Variants in KRT72 observed in about 807,000 individuals in gnomAD.
The protein encoded by KRT72 is keratin 72, also known as keratin, type II cytoskeletal 72.
KRT72 carries 44 observed loss-of-function variants against 44.7 expected under a neutral mutation model. That is an observed-to-expected ratio of 0.98 (90% confidence interval 0.77 to 1.27). The LOEUF (loss-of-function observed/expected upper bound fraction) is 1.27. Ranked by LOEUF, KRT72 falls within the 50% of genes most tolerant of loss-of-function variation. The pLI is 0.00. For missense variants in KRT72, 736 were observed against 667.1 expected, an observed-to-expected ratio of 1.10 and a Z score of -1.14; for synonymous variants, 302 against 280.4, an observed-to-expected ratio of 1.08 and a Z score of -0.77.
chr12:52,589,146 G>C (rs941466114), intron 6 of KRT72, among the ~76,000 whole-genome samples: 1 of 152,154 alleles, frequency 6.6e-6, no homozygotes, highest in African/African-American at 2.4e-5. Context: ...CTCAGCTAAG[G>C]TTTTGGTGGG....
intron 2 of KRT72, 42 bp downstream of exon 2, chr12:52,598,856 A>G: frequency 6.3e-7 from 1 of 1,585,054 alleles, no homozygotes; most frequent in Non-Finnish European, 8.7e-7. Flanking sequence ...ACCTCATTTG[A>G]AATCAGATCC....
rs372658292 is a variant in KRT72, at chr12:52,599,216, G to A, written c.427-104C>T. 169 of 1,075,450 alleles carry A rather than the reference G, an allele frequency of 1.6e-4. No individual in the cohort carries two copies. The African/African-American group carries it at 2.3e-3, about 14-fold the overall frequency. The allele number at this position is 1,075,450 out of a possible 1,614,324, so 66.6% of individuals were successfully genotyped here. On this transcript the variant is annotated intron_variant, in intron 1 of 8. Transcript: ENST00000293745. The stretch of plus-strand genomic sequence containing the variant: ...GAGGCAGCCATCCTGGGGGACTGGG[G>A]GTAGGAGAAAACAAGGCTTATCCCG...
At chr12:52,588,694 A>C (rs1402324223) in intron 6 of KRT72, among the ~76,000 whole-genome samples, 1 of 152,144 alleles carries the variant, frequency 6.6e-6, no homozygotes, top group Non-Finnish European at 1.5e-5. Flanking sequence ...TAAAATTAAA[A>C]ATAAATAAAT....
chr12:52,601,478 C>A, upstream of KRT72: 1 of 1,530,440 alleles, frequency 6.5e-7, no homozygotes, highest in African/African-American at 1.4e-5. Context: ...GTGCTGGCCG[C>A]GCGGGAGGCA....
chr12:52,588,355 T>C (rs1267355120), intron 6 of KRT72, among the ~76,000 whole-genome samples: 2 of 152,176 alleles, frequency 1.3e-5, no homozygotes, highest in Non-Finnish European at 2.9e-5. Flanking sequence ...AAGAGAACTA[T>C]GCTAAATGGC....
chr12:52,586,460 T>C (rs978288837), intron 8 of KRT72, among the ~76,000 whole-genome samples: 21 of 152,240 alleles, frequency 1.4e-4, no homozygotes, highest in Non-Finnish European at 1.5e-5. Context: ...AGGGCCCATC[T>C]GGTGCTGCTG....
chr12:52,587,524 T>C (rs1291218021), intron 7 of KRT72, 107 bp downstream of exon 7: 11 of 1,180,970 alleles, frequency 9.3e-6, no homozygotes, highest in African/African-American at 1.5e-5. Context: ...ATTTGCTGTA[T>C]GGTTTTACTT....
In KRT72 at chr12:52,601,346, GC is replaced by G; in HGVS notation, c.106del (p.Ala36ProfsTer97). The G allele has an allele frequency of 6.5e-7, 1 of 1,544,908 alleles. No individual in the cohort carries two copies. Among genetic ancestry groups the G allele is most frequent in the Non-Finnish European group, 8.7e-7 (1 of 1,146,848 alleles). On this transcript the variant is annotated frameshift_variant, in exon 1 of 9. Coordinates refer to ENST00000293745, the MANE Select transcript of KRT72 (RefSeq NM_080747.3). LOFTEE classifies it high-confidence loss of function. ...AAAGGAGGCCGAGCCCTTGACCCGG[GC>G]CCGGAATGAGGCGGAGCTGCTGCCG... ...GIGSSSASFR[A>X]RVKGSASFGS...
chr12:52,601,097 T>G lies in KRT72; in HGVS notation c.356A>C (p.Gln119Pro). 6.2e-7 allele frequency: 1 copy of G among 1,612,528 alleles called. No homozygotes were observed. The highest frequency in any genetic ancestry group is 8.5e-7 in the Non-Finnish European group (1 of 1,179,538). Reference protein sequence around the residue: ...PLNVEMDPEIQRVRAQEREQI... With the variant: ...PLNVEMDPEIPRVRAQEREQI... Reference sequence around the variant, plus strand: ...CTCCCGCTCCTGGGCGCGCACCCTCTGGATCTCGGGGTCCATCTCCACGTT... The same window carrying G: ...CTCCCGCTCCTGGGCGCGCACCCTCGGGATCTCGGGGTCCATCTCCACGTT... The change falls in exon 1 of 9, where the codon CAG becomes CCG. Residue 119 changes from glutamine to proline, a missense_variant. Transcript: ENST00000293745.
intron 6 of KRT72, among the ~76,000 whole-genome samples, chr12:52,588,910 G>A (rs1364102339): frequency 2.0e-5 from 3 of 152,218 alleles, no homozygotes; most frequent in East Asian, 3.9e-4. Context: ...TGAGGCAGGA[G>A]AGTCACTTGA....
chr12:52,596,782 C>T (rs1940241047), intron 2 of KRT72, among the ~76,000 whole-genome samples: 1 of 152,046 alleles, frequency 6.6e-6, no homozygotes. Context: ...AACTCTTGAG[C>T]TCAAATGATC....
In KRT72 at chr12:52,601,351, G is replaced by T; in HGVS notation, c.102C>A (p.Phe34Leu). The change falls in exon 1 of 9, where the codon TTC (phenylalanine) becomes TTA (leucine). Residue 34 changes from phenylalanine to leucine, a missense_variant. Transcript: ENST00000293745. The stretch of plus-strand genomic sequence containing the variant: ...AGGCCGAGCCCTTGACCCGGGCCCG[G>T]AATGAGGCGGAGCTGCTGCCGATCC... The part of the protein sequence containing the change: ...SGGIGSSSAS[F>L]RARVKGSASF... The T allele has an allele frequency of 6.5e-7, 1 of 1,544,298 alleles. No homozygotes were observed.
In KRT72 at chr12:52,586,021, G is replaced by A. The variant is rs975691525; in HGVS notation, c.1497C>T (p.Thr499=). The change falls in exon 9 of 9, where the codon ACC becomes ACT. Residue 499 remains threonine (T), a synonymous_variant. Coordinates refer to ENST00000293745, the MANE Select transcript of KRT72 (RefSeq NM_080747.3). ...GSELKDPLAK[T]SGSSCATKKA... ...TTTTGGTGGCACAGCTGCTCCCCGA[G>A]GTTTTGGCAAGGGGATCCTTGAGCT... 9.9e-6 allele frequency: 16 copies of A among 1,613,890 alleles called. No homozygotes were observed. The highest frequency in any genetic ancestry group is 2.2e-5 in the East Asian group (1 of 44,882).
intron 7 of KRT72, 98 bp downstream of exon 7, chr12:52,587,533 T>A: frequency 7.7e-7 from 1 of 1,296,570 alleles, no homozygotes; most frequent in African/African-American, 1.4e-5. Flanking sequence ...ATGGTTTTAC[T>A]TCAGTAGGAC....
chr12:52,586,088 G>T lies in KRT72; in HGVS notation c.1430C>A (p.Thr477Asn), dbSNP rs1486606298. 6.2e-7 allele frequency: 1 copy of T among 1,614,196 alleles called. No homozygotes were observed. Among genetic ancestry groups the T allele is most frequent in the East Asian group, 2.2e-5 (1 of 44,878 alleles). ...TTTGGTCTTGACGTCTGCAGCTGCA[G>T]TTTTGTAGCTATAACTGCTTGAGGC... ...FGASSSYSYK[T>N]AAADVKTKGS... The change falls in exon 9 of 9, where the codon ACT becomes AAT. Residue 477 changes from threonine to asparagine, a missense_variant. Thr to Asn is a moderately conservative substitution (Grantham distance 65). Coordinates refer to ENST00000293745, the MANE Select transcript of KRT72 (RefSeq NM_080747.3).
intron 1 of KRT72, 181 bp from the exon 2 acceptor site, chr12:52,599,293 A>C (rs1940329381): frequency 1.5e-6 from 1 of 680,914 alleles, no homozygotes; most frequent in African/African-American, 1.8e-5. Context: ...GACAAGAAAT[A>C]GGACCCGGTC....
chr12:52,586,056 A>C lies in KRT72; in HGVS notation c.1462T>G (p.Cys488Gly). 3.7e-6 allele frequency: 6 copies of C among 1,614,244 alleles called. No individual in the cohort carries two copies. The highest frequency in any genetic ancestry group is 5.1e-6 in the Non-Finnish European group (6 of 1,180,042). ...AAADVKTKGSCGSELKDPLAK... is the reference protein window; with the variant it reads ...AAADVKTKGSGGSELKDPLAK... ...AGGGGATCCTTGAGCTCACTGCCAC[A>C]GCTGCCTTTGGTCTTGACGTCTGCA... Residue 488 changes from cysteine (C) to glycine (G), a missense_variant, in exon 9 of 9, where the codon TGT becomes GGT. Physicochemically the swap from Cys to Gly is radical, Grantham distance 159. Coordinates refer to ENST00000293745, the MANE Select transcript of KRT72 (RefSeq NM_080747.3).
chr12:52,587,121 C>T (rs1939791012), intron 7 of KRT72, 141 bp from the exon 8 acceptor site: 2 of 722,092 alleles, frequency 2.8e-6, no homozygotes, highest in Non-Finnish European at 2.4e-6. Flanking sequence ...CCACACATCC[C>T]AGTGCGACCC....
chr12:52,600,499 G>A (rs1446504597), intron 1 of KRT72, among the ~76,000 whole-genome samples: 1 of 152,186 alleles, frequency 6.6e-6, no homozygotes, highest in Non-Finnish European at 1.5e-5. Context: ...CCCACGTGTT[G>A]TGGGAGGGAC....
Sources: gnomAD v4.1 joint callset for allele counts (sites outside exome capture counted in the v4.1 genomes callset) on GRCh38, gnomAD v4.1.1 for gene constraint, MANE v1.5 for transcripts, NCBI Gene and HGNC (gene_info 2026-07-23, HGNC 2026-07-21) for gene names.